The following MARCHF1 variants were observed in gnomAD, a reference collection of about 807,000 sequenced individuals.
The protein encoded by MARCHF1 is E3 ubiquitin-protein ligase MARCHF1.
MARCHF1 carries 40 observed loss-of-function variants against 54.2 expected under a neutral mutation model. The ratio of observed to expected loss-of-function variants is 0.74; its 90% CI spans 0.57 to 0.96. MARCHF1 has a LOEUF of 0.96. MARCHF1 is among the 40% of genes least tolerant of loss of function. MARCHF1 has a pLI of 0.00. For missense variants in MARCHF1, 586 were observed against 656.5 expected (o/e 0.89, Z 1.17); for synonymous variants, 236 against 236.3 (o/e 1.00, Z 0.01).
rs1162649940 is a variant in MARCHF1, at chr4:164,247,996, A to G, written c.-323+135874T>C. 1.8e-4 allele frequency among the ~76,000 whole-genome samples: 27 copies of G among 151,496 alleles called. 1 individual carries two copies. On this transcript the variant is annotated intron_variant, in intron 1 of 9. Transcript: ENST00000514618. The stretch of plus-strand genomic sequence containing the variant: ...ACAATCTACCACACTGTCTCATAAT[A>G]CTCCACACTTAGTAAACATGGGAAG...
intron 2 of MARCHF1, among the ~76,000 whole-genome samples, chr4:164,080,927 G>A (rs1755082371): frequency 6.6e-6 from 1 of 151,738 alleles, no homozygotes; most frequent in Admixed American, 6.6e-5. Context: ...AATATTATTT[G>A]GCCGGGCGTG....
At chr4:163,863,701 C>T (rs1018886623) in intron 3 of MARCHF1, among the ~76,000 whole-genome samples, 9 of 151,924 alleles carry the variant, frequency 5.9e-5, no homozygotes, top group African/African-American at 2.2e-4. Context: ...CCGAGTGCCC[C>T]GATTTTGGTT....
chr4:163,799,847 G>A (rs546753766), intron 4 of MARCHF1, among the ~76,000 whole-genome samples: 3 of 152,092 alleles, frequency 2.0e-5, no homozygotes, highest in South Asian at 2.1e-4. Flanking sequence ...TACATTCATC[G>A]CAGCACTATT....
At chr4:163,699,339 G>C (rs1304171213) in intron 5 of MARCHF1, among the ~76,000 whole-genome samples, 2 of 152,182 alleles carry the variant, frequency 1.3e-5, no homozygotes, top group African/African-American at 4.8e-5. Context: ...TGGAGGAATG[G>C]CAGGCATGCT....
At chr4:164,297,417 T>A (rs930447596) in intron 1 of MARCHF1, among the ~76,000 whole-genome samples, 31 of 152,236 alleles carry the variant, frequency 2.0e-4, no homozygotes, top group African/African-American at 7.2e-4. Flanking sequence ...GAAGGGCAAG[T>A]CAGTCTCTAA....
At chr4:163,679,387 AGCAGTAGATG>A (rs997753608) in intron 5 of MARCHF1, among the ~76,000 whole-genome samples, 9 of 152,074 alleles carry the variant, frequency 5.9e-5, no homozygotes, top group Admixed American at 2.0e-4. Flanking sequence ...ACGCTTTTTT[AGCAGTAGATG>A]GCAGCACGTG....
chr4:163,646,410 C>G (rs1742761787), intron 5 of MARCHF1, among the ~76,000 whole-genome samples: 1 of 151,844 alleles, frequency 6.6e-6, no homozygotes, highest in Non-Finnish European at 1.5e-5. Flanking sequence ...TAAAAAGATG[C>G]TAATTAATAA....
At chr4:164,351,094 C>G (rs1427660072) in intron 1 of MARCHF1, among the ~76,000 whole-genome samples, 1 of 152,232 alleles carries the variant, frequency 6.6e-6, no homozygotes, top group Non-Finnish European at 1.5e-5. Context: ...ATATCCCTCA[C>G]CTGGCTCGGA....
At chr4:163,946,435 T>A (rs548076620) in intron 3 of MARCHF1, among the ~76,000 whole-genome samples, 24 of 152,262 alleles carry the variant, frequency 1.6e-4, no homozygotes, top group Non-Finnish European at 2.5e-4. Flanking sequence ...CCTAATCTTT[T>A]TAAAAATAAA....
At chr4:164,120,873 CAA>C (rs910086784) in intron 1 of MARCHF1, among the ~76,000 whole-genome samples, 5 of 151,260 alleles carry the variant, frequency 3.3e-5, no homozygotes, top group Non-Finnish European at 5.9e-5. Context: ...GTGCCTAGAT[CAA>C]AAAAGAGAAA....
chr4:163,896,210 A>G (rs2111291459), intron 3 of MARCHF1, among the ~76,000 whole-genome samples: 1 of 152,308 alleles, frequency 6.6e-6, no homozygotes, highest in South Asian at 2.1e-4. Flanking sequence ...ATTAGCAGGC[A>G]ATTAATTATA....
At chr4:164,307,774 C>T (rs986337603) in intron 1 of MARCHF1, among the ~76,000 whole-genome samples, 2 of 152,148 alleles carry the variant, frequency 1.3e-5, no homozygotes, top group African/African-American at 2.4e-5. Flanking sequence ...AGACAGAGTA[C>T]AGGCACAACA....
chr4:163,555,637 G>GA (rs1739259229), intron 8 of MARCHF1, among the ~76,000 whole-genome samples: 1 of 152,084 alleles, frequency 6.6e-6, no homozygotes, highest in Non-Finnish European at 1.5e-5. Context: ...TGAACCAGCA[G>GA]AAAATCTACT....
At chr4:164,164,866 A>G (rs1335193636) in intron 1 of MARCHF1, among the ~76,000 whole-genome samples, 1 of 152,026 alleles carries the variant, frequency 6.6e-6, no homozygotes, top group Admixed American at 6.6e-5. Flanking sequence ...AAATAAGAAA[A>G]CAACAATGGG....
At chr4:163,663,709 A>C (rs942791865) in intron 5 of MARCHF1, among the ~76,000 whole-genome samples, 7 of 152,094 alleles carry the variant, frequency 4.6e-5, no homozygotes, top group African/African-American at 1.7e-4. Flanking sequence ...CTGTGTCCCC[A>C]GATCTCTTCT....
chr4:163,804,360 T>C (rs1424080451), intron 4 of MARCHF1, among the ~76,000 whole-genome samples: 1 of 152,194 alleles, frequency 6.6e-6, no homozygotes, highest in Non-Finnish European at 1.5e-5. Context: ...TAATATCATA[T>C]GGGAACTTCA....
chr4:164,309,700 T>C (rs1161564001), intron 1 of MARCHF1, among the ~76,000 whole-genome samples: 2 of 152,178 alleles, frequency 1.3e-5, no homozygotes, highest in African/African-American at 2.4e-5. Flanking sequence ...AACCAACAAA[T>C]AATTAGTTGT....
At chr4:163,804,749 T>A (rs1748178490) in intron 4 of MARCHF1, among the ~76,000 whole-genome samples, 1 of 152,154 alleles carries the variant, frequency 6.6e-6, no homozygotes, top group Non-Finnish European at 1.5e-5. Context: ...TGCCTACTAG[T>A]GGGTGCATTA....
rs191505134 is a variant in MARCHF1, at chr4:164,232,841, C to T, written c.-322-121179G>A. Among the ~76,000 whole-genome samples the T allele has an allele frequency of 3.3e-5, 5 of 152,254 alleles. No homozygotes were observed. The East Asian group carries it at 9.6e-4, about 29-fold the overall frequency. On this transcript the variant is annotated intron_variant, in intron 1 of 9. Transcript: ENST00000514618. ...TCAGTGTAAGATGCAATAGTAGTTA[C>T]ACAACTACAAATGCCACACACAGAA...
Sources: gnomAD v4.1 joint callset for allele counts (sites outside exome capture counted in the v4.1 genomes callset) on GRCh38, gnomAD v4.1.1 for gene constraint, MANE v1.5 for transcripts, NCBI Gene and HGNC (gene_info 2026-07-23, HGNC 2026-07-21) for gene names.